KMT2C: variants seen among roughly 807,000 people sequenced by gnomAD.
KMT2C encodes the protein lysine methyltransferase 2C.
In KMT2C, 88 loss-of-function variants were observed where a neutral mutation model predicts 507.9. The ratio of observed to expected loss-of-function variants is 0.17; its 90% CI spans 0.15 to 0.21. The LOEUF is 0.21. Ranked by LOEUF, KMT2C falls within the 10% of genes least tolerant of loss-of-function variation. The probability of loss-of-function intolerance (pLI) is 1.00; values close to 1 mark genes in which losing one functional copy is unlikely to be tolerated. For synonymous variants in KMT2C, 2,049 were observed against 2,080.8 expected, an observed-to-expected ratio of 0.98 and a Z score of 0.42; for missense variants, 4,954 against 5,957.8, an observed-to-expected ratio of 0.83 and a Z score of 5.55.
intron 2 of KMT2C, among the ~76,000 whole-genome samples, chr7:152,343,450 GAAAAAAAA>G (rs200886066): frequency 1.4e-5 from 1 of 72,462 alleles, no homozygotes; most frequent in Non-Finnish European, 3.1e-5. Flanking sequence ...AAAAGACTGG[GAAAAAAAA>G]AAAAAAAAAG....
chr7:152,353,943 T>C (rs2097133132), intron 2 of KMT2C, among the ~76,000 whole-genome samples: 1 of 151,746 alleles, frequency 6.6e-6, no homozygotes, highest in Admixed American at 6.5e-5. Flanking sequence ...TGCTTTTAAA[T>C]GAACTAGAAA....
intron 6 of KMT2C, among the ~76,000 whole-genome samples, chr7:152,290,983 A>G (rs1175738234): frequency 6.6e-6 from 1 of 152,206 alleles, no homozygotes. Flanking sequence ...ACATTTTCCT[A>G]CTATTTGTTC....
chr7:152,384,332 G>C (rs2097401243), intron 1 of KMT2C, among the ~76,000 whole-genome samples: 1 of 152,132 alleles, frequency 6.6e-6, no homozygotes, highest in African/African-American at 2.4e-5. Context: ...CTCGCACCAA[G>C]CTCACTGAGC....
chr7:152,139,644 G>C (rs1228895263), intron 56 of KMT2C, 31 bp downstream of exon 56: 1 of 1,384,898 alleles, frequency 7.2e-7, no homozygotes, highest in East Asian at 2.3e-5. Flanking sequence ...TGATGGTGCT[G>C]TGTATACAAT....
At chr7:152,290,218 A>ATGTGTGTGTGTG (rs1453293217) in intron 6 of KMT2C, among the ~76,000 whole-genome samples, 2 of 108,744 alleles carry the variant, frequency 1.8e-5, no homozygotes, top group African/African-American at 8.5e-5. Context: ...TTTTATATAT[A>ATGTGTGTGTGTG]TATGTGTGTG....
Position 152,261,397 on chromosome 7 carries a change from T to C in KMT2C, c.1299+1619A>G, listed in dbSNP as rs543915535. On this transcript the variant is annotated intron_variant, in intron 9 of 58. Coordinates refer to ENST00000262189, the MANE Select transcript of KMT2C (RefSeq NM_170606.3). Reference sequence around the variant, plus strand: ...ATTAATAGTGGTCAATTGTAACAACTTGTTGAATCAACAAGTCAAAAAATA... The same window carrying C: ...ATTAATAGTGGTCAATTGTAACAACCTGTTGAATCAACAAGTCAAAAAATA... 7.7e-4 allele frequency among the ~76,000 whole-genome samples: 118 copies of C among 152,316 alleles called. 1 individual carries two copies. The highest frequency in any genetic ancestry group is 6.8e-3 in the Middle Eastern group (2 of 294).
intron 1 of KMT2C, among the ~76,000 whole-genome samples, chr7:152,419,351 C>CAA (rs926910846): frequency 7.0e-6 from 1 of 143,222 alleles, no homozygotes; most frequent in South Asian, 2.2e-4. Flanking sequence ...ACTCTGTCTC[C>CAA]AAAAAAAAAA....
rs192950660 is a variant in KMT2C, at chr7:152,160,711, C to T, written c.11460+1406G>A. On this transcript the variant is annotated intron_variant, in intron 43 of 58. Transcript: ENST00000262189. ...AATCACTATATATTTATTTAAATCA[C>T]ACTTTAATTTGGGGGGAGGGGCTAC... Among the ~76,000 whole-genome samples the T allele has an allele frequency of 5.5e-4, 82 of 149,322 alleles. 1 individual carries two copies. The highest frequency in any genetic ancestry group is 1.9e-3 in the Admixed American group (29 of 14,932).
intron 23 of KMT2C, among the ~76,000 whole-genome samples, chr7:152,212,428 A>G (rs1457348859): frequency 6.6e-6 from 1 of 152,236 alleles, no homozygotes; most frequent in South Asian, 2.1e-4. Flanking sequence ...GAGCAATCAC[A>G]TAAGAAAAGG....
intron 41 of KMT2C, among the ~76,000 whole-genome samples, chr7:152,168,398 A>C (rs1211661093): frequency 6.6e-6 from 1 of 152,234 alleles, no homozygotes; most frequent in Non-Finnish European, 1.5e-5. Flanking sequence ...AGTAACAATT[A>C]ATGTAGGGGG....
At chr7:152,212,693 TGAAG>T (rs1188435740) in intron 23 of KMT2C, among the ~76,000 whole-genome samples, 5 of 152,118 alleles carry the variant, frequency 3.3e-5, no homozygotes, top group African/African-American at 1.2e-4. Flanking sequence ...ACAAATTTAA[TGAAG>T]GAAGTGAAAG....
chr7:152,311,247 TGA>T (rs1042560995), intron 5 of KMT2C, among the ~76,000 whole-genome samples: 2 of 152,122 alleles, frequency 1.3e-5, no homozygotes, highest in African/African-American at 4.8e-5. Context: ...CATCCCACAG[TGA>T]GAGCACGTAT....
chr7:152,357,466 A>G (rs1217517279), intron 2 of KMT2C, among the ~76,000 whole-genome samples: 1 of 152,152 alleles, frequency 6.6e-6, no homozygotes, highest in Non-Finnish European at 1.5e-5. Context: ...CAGGAGGCAG[A>G]GCTTGCAGTG....
intron 25 of KMT2C, among the ~76,000 whole-genome samples, chr7:152,203,372 T>C (rs1458416548): frequency 6.6e-6 from 1 of 151,936 alleles, no homozygotes; most frequent in East Asian, 1.9e-4. Flanking sequence ...CCAAAGCTCA[T>C]GAGTATGACG....
At chr7:152,304,365 T>G (rs556032246) in intron 6 of KMT2C, among the ~76,000 whole-genome samples, 1 of 152,332 alleles carries the variant, frequency 6.6e-6, no homozygotes, top group East Asian at 1.9e-4. Context: ...TATTGAATGT[T>G]TAATAAATGG....
intron 16 of KMT2C, among the ~76,000 whole-genome samples, chr7:152,230,624 T>G (rs1033018984): frequency 6.6e-6 from 1 of 152,186 alleles, no homozygotes; most frequent in African/African-American, 2.4e-5. Context: ...AATGATAATA[T>G]ATGTATGTAC....
intron 15 of KMT2C, among the ~76,000 whole-genome samples, chr7:152,236,533 C>G (rs1183949188): frequency 2.0e-5 from 3 of 152,122 alleles, no homozygotes; most frequent in African/African-American, 7.2e-5. Flanking sequence ...TTCTGTACTG[C>G]TACATCAGCG....
chr7:152,181,147 A>G lies in KMT2C; in HGVS notation c.6713T>C (p.Met2238Thr). 1 of 1,614,130 alleles carries G rather than the reference A, an allele frequency of 6.2e-7. No homozygotes were observed. Among genetic ancestry groups the G allele is most frequent in the Non-Finnish European group, 8.5e-7 (1 of 1,180,024 alleles). The change falls in exon 36 of 59, where the codon ATG (methionine) becomes ACG (threonine). Residue 2238 changes from methionine (M) to threonine (T), a missense_variant. Physicochemically the swap from Met to Thr is moderately conservative, Grantham distance 81. This residue lies in a region of KMT2C where 1,689 missense variants were observed against 1,654.3 expected (regional missense o/e 1.02). Transcript: ENST00000262189. ...RISEGFTRSS[M>T]TRPVLMPNQD... Reference sequence around the variant, plus strand: ...ATTTGGCATGAGGACTGGTCTTGTCATTGAGGACCTAGTAAAACCCTCTGA... The same window carrying G: ...ATTTGGCATGAGGACTGGTCTTGTCGTTGAGGACCTAGTAAAACCCTCTGA...
At chr7:152,303,193 T>C (rs1166235808) in intron 6 of KMT2C, among the ~76,000 whole-genome samples, 1 of 152,212 alleles carries the variant, frequency 6.6e-6, no homozygotes, top group African/African-American at 2.4e-5. Flanking sequence ...ATCTGAGGTA[T>C]GTTTCAGAGA....
Sources: gnomAD v4.1 joint callset for allele counts (sites outside exome capture counted in the v4.1 genomes callset) on GRCh38, gnomAD v4.1.1 for gene constraint, gnomAD v4.1.1 regional missense constraint, MANE v1.5 for transcripts, NCBI Gene and HGNC (gene_info 2026-07-23, HGNC 2026-07-21) for gene names.